Variants in MROH1 observed in about 807,000 individuals in gnomAD.
MROH1 encodes the protein maestro heat like repeat family member 1, also known as maestro heat-like repeat-containing protein family member 1.
A neutral mutation model predicts 116.5 loss-of-function variants in MROH1; 117 were observed. That is an observed-to-expected ratio of 1.00 (90% confidence interval 0.86 to 1.17). The LOEUF is 1.17. MROH1 is among the 50% of genes most tolerant of loss of function. The pLI is 0.00. For synonymous variants in MROH1, 921 were observed against 583.9 expected (o/e 1.58, Z -8.32); for missense variants, 1,873 against 1,338.5 (o/e 1.40, Z -6.23).
chr8:144,239,986 A>AGCGGGGCG (rs1840694379), intron 18 of MROH1, 115 bp from the exon 19 acceptor site: 1 of 713,568 alleles, frequency 1.4e-6, no homozygotes, highest in Admixed American at 2.0e-5. Flanking sequence ...GGTGGGGGGC[A>AGCGGGGCG]GCGGGGCGGC....
At chr8:144,160,378 A>T (rs550918770) in intron 1 of MROH1, among the ~76,000 whole-genome samples, 1 of 152,304 alleles carries the variant, frequency 6.6e-6, no homozygotes, top group East Asian at 1.9e-4. Flanking sequence ...GACCTGTGGA[A>T]GCCCTGGATG....
At chr8:144,209,921 A>AG (rs71320814) in intron 12 of MROH1, among the ~76,000 whole-genome samples, 4 of 149,462 alleles carry the variant, frequency 2.7e-5, no homozygotes, top group South Asian at 2.1e-4. Context: ...AAAAAAAAAA[A>AG]GGGAAGGAAA....
chr8:144,256,852 T>C (rs1397258031), intron 35 of MROH1, among the ~76,000 whole-genome samples: 3 of 152,262 alleles, frequency 2.0e-5, no homozygotes, highest in African/African-American at 4.8e-5. Context: ...GGTTGTGAGT[T>C]GCTGTGCCTG....
chr8:144,249,885 G>A (rs1350761296), intron 32 of MROH1, among the ~76,000 whole-genome samples: 2 of 152,206 alleles, frequency 1.3e-5, no homozygotes, highest in African/African-American at 4.8e-5. Flanking sequence ...CAGCAGGCGT[G>A]CTGTGAGGGC....
At chr8:144,164,027 G>A (rs938307076) in intron 3 of MROH1, among the ~76,000 whole-genome samples, 179 bp downstream of exon 3, 1 of 151,984 alleles carries the variant, frequency 6.6e-6, no homozygotes, top group African/African-American at 2.4e-5. Flanking sequence ...TCTCCCACAC[G>A]AGCCTTCAGT....
chr8:144,220,488 C>T, intron 12 of MROH1, 112 bp from the exon 13 acceptor site: 1 of 818,628 alleles, frequency 1.2e-6, no homozygotes, highest in Non-Finnish European at 1.9e-6. Context: ...CCTTATGCTC[C>T]CTCTTCCTCC....
At chr8:144,234,498 G>GTTTTTGTTTTTTTTTTTTTTTTT (rs1839621583) in intron 14 of MROH1, among the ~76,000 whole-genome samples, 25 of 18,102 alleles carry the variant, frequency 1.4e-3, no homozygotes, top group Non-Finnish European at 2.1e-3. Flanking sequence ...TTTCTTTTTC[G>GTTTTTGTTTTTTTTTTTTTTTTT]TTTTTTTTTT....
chr8:144,254,995 G>A lies in MROH1; in HGVS notation c.3594+17G>A, dbSNP rs1843441921. On this transcript the variant is annotated intron_variant, in intron 34 of 43. Transcript: ENST00000326134. ...CCTCTCTCGGTGAGTCGGGCTCTCG[G>A]GGCCACCTTGACACGCTGTCCCTGC... 2 of 740,326 alleles carry A rather than the reference G, an allele frequency of 2.7e-6. No homozygotes were observed. Among genetic ancestry groups the A allele is most frequent in the South Asian group, 2.9e-5 (2 of 69,892 alleles). 45.9% of individuals were successfully genotyped at this position (740,326 alleles called of 1,614,324 possible). A position where few individuals can be genotyped will look rare whatever the true frequency, so the allele number is the denominator to read the frequency against.
At chr8:144,213,147 C>T (rs1834535657) in intron 12 of MROH1, 2 of 754,762 alleles carry the variant, frequency 2.6e-6, no homozygotes, top group African/African-American at 3.4e-5. Flanking sequence ...ACATCCCGTG[C>T]TCTCCCTTCT....
At chr8:144,195,194 T>TGAAAAAAAAAAAAAAAAA (rs1829537976) in intron 10 of MROH1, among the ~76,000 whole-genome samples, 1 of 1,070 alleles carries the variant, frequency 9.3e-4, no homozygotes, top group Non-Finnish European at 2.3e-3. Context: ...GACTGTGTCT[T>TGAAAAAAAAAAAAAAAAA]TAAAAAAAAA....
At chr8:144,168,523 C>T in intron 4 of MROH1, 83 bp downstream of exon 4, 8 of 1,500,064 alleles carry the variant, frequency 5.3e-6, no homozygotes, top group Admixed American at 2.0e-5. Flanking sequence ...GACAGTCCAG[C>T]CAGGAGCAGT....
chr8:144,239,703 G>T lies in MROH1; in HGVS notation c.1722G>T (p.Leu574Phe). The part of the protein sequence containing the change: ...LSVLHPNIHP[L>F]LGQHWETTVP... ...TTCTGCACCCAAACATTCACCCTTT[G>T]CTGGGTCAGCATTGGGAAACGACTG... is the stretch of plus-strand genomic sequence containing the variant. The change falls in exon 18 of 44, where the codon TTG becomes TTT. Residue 574 changes from leucine to phenylalanine, a missense_variant. Coordinates refer to ENST00000326134, the MANE Select transcript of MROH1 (RefSeq NM_032450.3). The T allele has an allele frequency of 1.4e-6, 1 of 732,346 alleles. No homozygotes were observed. Among genetic ancestry groups the T allele is most frequent in the South Asian group, 1.5e-5 (1 of 68,624 alleles). The allele number at this position is 732,346 out of a possible 1,614,324, so 45.4% of individuals were successfully genotyped here.
rs1185970215 is a variant in MROH1, at chr8:144,179,484, G to C, written c.198G>C (p.Leu66=). The stretch of plus-strand genomic sequence containing the variant: ...CACACCCATACCGAGCAGCGGTCCT[G>C]AGGGCCATGGAGAGGGTCCTGAGCA... The part of the protein sequence containing the change: ...KLAHPYRAAV[L]RAMERVLSSR... The change falls in exon 5 of 44, where the codon CTG becomes CTC. Residue 66 remains leucine, a synonymous_variant. Coordinates refer to ENST00000326134, the MANE Select transcript of MROH1 (RefSeq NM_032450.3). 6.2e-7 allele frequency: 1 copy of C among 1,613,478 alleles called. No individual in the cohort carries two copies. The highest frequency in any genetic ancestry group is 1.3e-5 in the African/African-American group (1 of 74,908).
Position 144,149,826 on chromosome 8 carries a change from A to C in MROH1, c.-177+1750A>C, listed in dbSNP as rs1816297377. Among the ~76,000 whole-genome samples the C allele has an allele frequency of 2.0e-5, 3 of 150,688 alleles. No individual in the cohort carries two copies. In the South Asian group the frequency reaches 6.3e-4, roughly 31 times the overall value. On this transcript the variant is annotated intron_variant, in intron 1 of 43. Transcript: ENST00000326134. ...TTGGGGGTTTGCATGAGCACCAGTG[A>C]CACAGCTTGGTGTGGCCTGTATTGA...
chr8:144,261,304 G>T lies in MROH1; in HGVS notation c.4795G>T (p.Glu1599Ter). Residue 1599 changes from glutamate (E) to a stop codon, truncating the protein, a stop_gained, in exon 43 of 44, where the codon GAG becomes TAG. Transcript: ENST00000326134. LOFTEE classifies it high-confidence loss of function. ...CACAGGGTTCCTGGTGCTGCACTCG[G>T]AGCCCAGGCAGCAGCCGCAGGTGGA... The part of the protein sequence containing the change: ...LFTGFLVLHS[E>*]PRQQPQVDLD... 1 of 731,040 alleles carries T rather than the reference G, an allele frequency of 1.4e-6. No homozygotes were observed. The highest frequency in any genetic ancestry group is 2.5e-6 in the Non-Finnish European group (1 of 402,388). The allele number at this position is 731,040 out of a possible 1,614,324, so 45.3% of individuals were successfully genotyped here.
chr8:144,260,387 G>A lies in MROH1; in HGVS notation c.4380+13G>A, dbSNP rs1326264506. 11 of 710,756 alleles carry A rather than the reference G, an allele frequency of 1.5e-5. No individual in the cohort carries two copies. Among genetic ancestry groups the A allele is most frequent in the Non-Finnish European group, 2.8e-5 (11 of 389,102 alleles). The allele number at this position is 710,756 out of a possible 1,614,324, so 44.0% of individuals were successfully genotyped here. A position where few individuals can be genotyped will look rare whatever the true frequency, so the allele number is the denominator to read the frequency against. On this transcript the variant is annotated intron_variant, in intron 39 of 43. Transcript: ENST00000326134. The stretch of plus-strand genomic sequence containing the variant: ...TTTCTTCGACAGTGTAGGCTGGTTG[G>A]GGCAGGGGGAGGGAAGAGGGCCCCA...
At chr8:144,175,410 C>A (rs1160249725) in intron 4 of MROH1, 3 of 825,240 alleles carry the variant, frequency 3.6e-6, no homozygotes, top group Non-Finnish European at 4.4e-6. Context: ...TGTACCCAAG[C>A]TGCTGCTCCC....
chr8:144,242,382 A>G lies in MROH1; in HGVS notation c.2192A>G (p.Asn731Ser), dbSNP rs1588442395. The G allele has an allele frequency of 2.6e-6, 2 of 780,738 alleles. No homozygotes were observed. Among genetic ancestry groups the G allele is most frequent in the African/African-American group, 1.7e-5 (1 of 59,280 alleles). 48.4% of individuals were successfully genotyped at this position (780,738 alleles called of 1,614,324 possible). The stretch of plus-strand genomic sequence containing the variant: ...CTGGCCTCTCAGGATCGAAGTGAGA[A>G]CGAAGTGGAGAAGGTGAAGAGTGCT... ...ILNIFKDRSE[N>S]EVEKVKSALI... Residue 731 changes from asparagine (N) to serine (S), a missense_variant, in exon 23 of 44, where the codon AAC becomes AGC. Physicochemically the swap from Asn to Ser is conservative, Grantham distance 46. Coordinates refer to ENST00000326134, the MANE Select transcript of MROH1 (RefSeq NM_032450.3).
chr8:144,185,260 A>G (rs1019439701), intron 7 of MROH1, among the ~76,000 whole-genome samples: 9 of 152,084 alleles, frequency 5.9e-5, no homozygotes, highest in Admixed American at 5.9e-4. Context: ...GAGCCCTCCC[A>G]TCTCACTGTA....
Sources: allele counts gnomAD v4.1 joint callset (sites outside exome capture counted in the v4.1 genomes callset), GRCh38; gene constraint gnomAD v4.1.1; transcripts MANE v1.5; gene names NCBI Gene and HGNC (gene_info 2026-07-23, HGNC 2026-07-21).